Variants in ATP9A observed in about 807,000 individuals in gnomAD.
The protein encoded by ATP9A is ATPase phospholipid transporting 9A, also known as probable phospholipid-transporting ATPase IIA.
Under a neutral mutation model 144.1 loss-of-function variants are expected in ATP9A, and 52 were observed. The ratio of observed to expected loss-of-function variants is 0.36; its 90% CI spans 0.29 to 0.45. The LOEUF (loss-of-function observed/expected upper bound fraction) is 0.45. ATP9A is among the 20% of genes least tolerant of loss of function. The pLI is 1.00. For synonymous variants in ATP9A, 582 were observed against 557.4 expected, an observed-to-expected ratio of 1.04 and a Z score of -0.62; for missense variants, 947 against 1,392.7, an observed-to-expected ratio of 0.68 and a Z score of 5.09.
chr20:51,608,846 CAAAT>C (rs946063207), intron 24 of ATP9A, among the ~76,000 whole-genome samples: 3 of 151,126 alleles, frequency 2.0e-5, no homozygotes, highest in Admixed American at 1.3e-4. Context: ...AGTCAATAAA[CAAAT>C]AAATTAGGTA....
intron 1 of ATP9A, among the ~76,000 whole-genome samples, chr20:51,760,254 TA>T (rs2077873362): frequency 2.7e-5 from 4 of 150,928 alleles, no homozygotes; most frequent in African/African-American, 9.7e-5. Context: ...AATGAATCCA[TA>T]ACGTACATTA....
Position 51,656,845 on chromosome 20 carries a change from C to T in ATP9A, c.1506+93G>A, listed in dbSNP as rs2077388711. The T allele has an allele frequency of 5.0e-6, 6 of 1,204,400 alleles. No individual in the cohort carries two copies. In the South Asian group the frequency reaches 6.9e-5, roughly 14 times the overall value. The allele number at this position is 1,204,400 out of a possible 1,614,324, so 74.6% of individuals were successfully genotyped here. ...CTGCATCATCCTGGCTCCTGTCTGC[C>T]CTGACACATTGCTTCCTTAGAAAAC... On this transcript the variant is annotated intron_variant, in intron 14 of 27. Coordinates refer to ENST00000338821, the MANE Select transcript of ATP9A (RefSeq NM_006045.3).
At chr20:51,696,256 G>C (rs1050739845) in intron 5 of ATP9A, 112 bp from the exon 6 acceptor site, 8 of 782,166 alleles carry the variant, frequency 1.0e-5, no homozygotes, top group African/African-American at 1.7e-5. Flanking sequence ...GGGCAGGGGG[G>C]ACTGAAACTC....
chr20:51,663,656 T>C (rs1438161317), intron 13 of ATP9A, among the ~76,000 whole-genome samples: 2 of 151,914 alleles, frequency 1.3e-5, no homozygotes, highest in East Asian at 2.0e-4. Flanking sequence ...TAGCTGGGCA[T>C]GGTGGTAGGC....
In ATP9A at chr20:51,611,168, G is replaced by C. The variant is rs1182480847; in HGVS notation, c.2572-1003C>G. Among the ~76,000 whole-genome samples, 1 of 152,224 alleles carries C rather than the reference G, an allele frequency of 6.6e-6. No homozygotes were observed. The highest frequency in any genetic ancestry group is 6.5e-5 in the Admixed American group (1 of 15,282). On this transcript the variant is annotated intron_variant, in intron 23 of 27. Transcript: ENST00000338821. This position sits in a 1 kb window ranked among gnomAD's most constrained non-coding sequence, Gnocchi z 4.2. ...ACCCTAGTCATTAGAAATAGCATCA[G>C]ACCAGGGCTAGCTCCCCAGAGCACC...
chr20:51,684,724 T>C (rs935120006), intron 9 of ATP9A, among the ~76,000 whole-genome samples: 1 of 97,220 alleles, frequency 1.0e-5, no homozygotes, highest in Admixed American at 1.1e-4. Flanking sequence ...GGAAAGAAAA[T>C]ACAGGCCTGG....
At chr20:51,648,870 C>A (rs2077352810) in intron 14 of ATP9A, among the ~76,000 whole-genome samples, 1 of 152,108 alleles carries the variant, frequency 6.6e-6, no homozygotes, top group Admixed American at 6.5e-5. Flanking sequence ...GAAAGAAATT[C>A]TGTGACTTGC....
At chr20:51,674,457 C>T (rs1225351671) in intron 10 of ATP9A, 144 bp from the exon 11 acceptor site, 1 of 730,342 alleles carries the variant, frequency 1.4e-6, no homozygotes, top group African/African-American at 1.8e-5. Flanking sequence ...CCTACAAACA[C>T]CTCTACCCCA....
At chr20:51,724,669 G>C (rs2077704707) in intron 3 of ATP9A, among the ~76,000 whole-genome samples, 1 of 152,122 alleles carries the variant, frequency 6.6e-6, no homozygotes, top group Admixed American at 6.6e-5. Flanking sequence ...TGTCTACTCT[G>C]TTCATTGCTG....
Position 51,600,190 on chromosome 20 carries a change from G to A in ATP9A, c.*1021C>T, listed in dbSNP as rs1010387542. 2 of 152,148 alleles carry A rather than the reference G, an allele frequency of 1.3e-5. No homozygotes were observed. Among genetic ancestry groups the A allele is most frequent in the Non-Finnish European group, 2.9e-5 (2 of 68,036 alleles). 9.4% of individuals were successfully genotyped at this position (152,148 alleles called of 1,614,324 possible). On this transcript the variant is annotated 3_prime_UTR_variant, in exon 28 of 28. Coordinates refer to ENST00000338821, the MANE Select transcript of ATP9A (RefSeq NM_006045.3). ...TTCCGAAAGATGCCTCTGCCTTTGTGGGGTCATCTTCCATTATGCCTCCTA... is the reference window on the plus strand; with the variant it reads ...TTCCGAAAGATGCCTCTGCCTTTGTAGGGTCATCTTCCATTATGCCTCCTA...
At chr20:51,649,149 G>T (rs2077353725) in intron 14 of ATP9A, among the ~76,000 whole-genome samples, 1 of 152,020 alleles carries the variant, frequency 6.6e-6, no homozygotes, top group Non-Finnish European at 1.5e-5. Flanking sequence ...CTCCAAACAG[G>T]GCACCCTGTT....
chr20:51,648,228 AAAAC>A (rs2077349546), intron 14 of ATP9A, among the ~76,000 whole-genome samples: 1 of 152,166 alleles, frequency 6.6e-6, no homozygotes. Context: ...TGCTCATAAA[AAAAC>A]AAACCAACCA....
At chr20:51,632,520 G>A (rs6096509) in intron 15 of ATP9A, among the ~76,000 whole-genome samples, 45,365 of 152,062 alleles carry the variant, frequency 0.3, 7,063 homozygotes, top group Non-Finnish European at 0.34. Context: ...GTGCATTGCA[G>A]GATGCTGAGC....
chr20:51,607,577 G>A lies in ATP9A; in HGVS notation c.2753C>T (p.Pro918Leu), dbSNP rs1273087408. 1.9e-6 allele frequency: 3 copies of A among 1,612,900 alleles called. No homozygotes were observed. The highest frequency in any genetic ancestry group is 2.2e-5 in the East Asian group (1 of 44,878). The change falls in exon 26 of 28, where the codon CCG (proline) becomes CTG (leucine). Residue 918 changes from proline to leucine, a missense_variant. Around this residue, in one of 2 missense-constraint regions of ATP9A, gnomAD observed 177 missense variants for 344.9 expected, o/e 0.51. Transcript: ENST00000338821. ...TATTAAGAATGTCTTGTAGGACAACGGCCGTCCCTGAATGAGAGACAGAGA... is the reference window on the plus strand; with the variant it reads ...TATTAAGAATGTCTTGTAGGACAACAGCCGTCCCTGAATGAGAGACAGAGA... Reference protein sequence around the residue: ...ELYKDLLKGRPLSYKTFLIWV... With the variant: ...ELYKDLLKGRLLSYKTFLIWV...
intron 14 of ATP9A, among the ~76,000 whole-genome samples, chr20:51,645,551 CAAG>C: frequency 6.7e-6 from 1 of 150,312 alleles, no homozygotes; most frequent in Middle Eastern, 3.4e-3. Context: ...AAAAAAAAAA[CAAG>C]AACGTTCTCA....
At position 51,726,364 on chromosome 20, in the gene ATP9A, A is replaced by C. The variant is rs528339197; in HGVS notation, c.214-432T>G. On this transcript the variant is annotated intron_variant, in intron 2 of 27. Coordinates refer to ENST00000338821, the MANE Select transcript of ATP9A (RefSeq NM_006045.3). ...AATCCTGCTTTATAATACAATTTAC[A>C]CTATACTTTTCACATAGAGCTTAAA... Among the ~76,000 whole-genome samples, 7 of 151,620 alleles carry C rather than the reference A, an allele frequency of 4.6e-5. No homozygotes were observed. The South Asian group carries it at 1.5e-3, about 32-fold the overall frequency.
intron 7 of ATP9A, among the ~76,000 whole-genome samples, chr20:51,693,747 C>A (rs1337633564): frequency 6.6e-6 from 1 of 152,148 alleles, no homozygotes; most frequent in African/African-American, 2.4e-5. Flanking sequence ...CTCTGGCTTA[C>A]CTTTTCAATT....
intron 15 of ATP9A, among the ~76,000 whole-genome samples, chr20:51,631,076 T>C (rs574056993): frequency 6.6e-6 from 1 of 152,322 alleles, no homozygotes; most frequent in African/African-American, 2.4e-5. Flanking sequence ...AACGACAAAC[T>C]GGATTTGCCT....
intron 2 of ATP9A, among the ~76,000 whole-genome samples, chr20:51,727,863 G>A (rs2077722094): frequency 6.6e-6 from 1 of 151,598 alleles, no homozygotes; most frequent in Non-Finnish European, 1.5e-5. Flanking sequence ...CCCGGGAGGT[G>A]GAGGTTGCAG....
Sources: allele counts gnomAD v4.1 joint callset (sites outside exome capture counted in the v4.1 genomes callset), GRCh38; gene constraint gnomAD v4.1.1; regional missense constraint gnomAD v4.1.1; non-coding constraint Gnocchi (gnomAD v3.1); transcripts MANE v1.5; gene names NCBI Gene and HGNC (gene_info 2026-07-23, HGNC 2026-07-21).